Variants in PRKN observed in about 807,000 individuals in gnomAD.
The protein encoded by PRKN is parkin RBR E3 ubiquitin protein ligase.
Under a neutral mutation model 59.5 loss-of-function variants are expected in PRKN, and 56 were observed. That is an observed-to-expected ratio of 0.94 (90% CI 0.76 to 1.18). The LOEUF (loss-of-function observed/expected upper bound fraction) is 1.18. Among genes scored for constraint, PRKN ranks in the 50% most tolerant of loss-of-function variants. PRKN has a pLI of 0.00. For synonymous variants in PRKN, 250 were observed against 222.1 expected, an observed-to-expected ratio of 1.13 and a Z score of -1.12; for missense variants, 657 against 596.4, an observed-to-expected ratio of 1.10 and a Z score of -1.06.
chr6:162,214,378 C>T (rs2128076387), intron 3 of PRKN, among the ~76,000 whole-genome samples: 1 of 152,272 alleles, frequency 6.6e-6, no homozygotes, highest in Non-Finnish European at 1.5e-5. Flanking sequence ...CTCCTTTCTT[C>T]AGGGTTGGAT....
At chr6:162,157,828 G>C (rs1782580559) in intron 4 of PRKN, among the ~76,000 whole-genome samples, 2 of 151,808 alleles carry the variant, frequency 1.3e-5, no homozygotes, top group Non-Finnish European at 2.9e-5. Context: ...CTCTTGTTAG[G>C]CATGCATACT....
At chr6:162,114,049 G>T (rs1245893668) in intron 4 of PRKN, among the ~76,000 whole-genome samples, 2 of 149,344 alleles carry the variant, frequency 1.3e-5, no homozygotes, top group African/African-American at 2.5e-5. Context: ...ATTTCTGAGG[G>T]CTCTGTTCTG....
At chr6:162,538,979 C>G (rs1336932591) in intron 1 of PRKN, among the ~76,000 whole-genome samples, 1 of 152,218 alleles carries the variant, frequency 6.6e-6, no homozygotes, top group East Asian at 1.9e-4. Context: ...CAAGTGATTA[C>G]CGTGGGGGCC....
At chr6:162,182,489 T>C (rs563081470) in intron 4 of PRKN, among the ~76,000 whole-genome samples, 1 of 152,226 alleles carries the variant, frequency 6.6e-6, no homozygotes, top group East Asian at 1.9e-4. Flanking sequence ...TCTACTGACA[T>C]GGGACAGTGA....
intron 1 of PRKN, among the ~76,000 whole-genome samples, chr6:162,618,623 G>C (rs1402800831): frequency 6.6e-6 from 1 of 151,974 alleles, no homozygotes; most frequent in African/African-American, 2.4e-5. Context: ...TAATCCCCTA[G>C]GTTTATAATA....
intron 6 of PRKN, among the ~76,000 whole-genome samples, chr6:161,946,549 AAAATG>A (rs1258808850): frequency 6.6e-6 from 1 of 152,098 alleles, no homozygotes; most frequent in Non-Finnish European, 1.5e-5. Flanking sequence ...AAACATTCAG[AAAATG>A]ACTTATTCTG....
At chr6:162,658,469 C>T (rs138769853) in intron 1 of PRKN, among the ~76,000 whole-genome samples, 717 of 152,128 alleles carry the variant, frequency 4.7e-3, no homozygotes, top group Non-Finnish European at 7.9e-3. Flanking sequence ...CAAGATCAGC[C>T]TAGCCAACAT....
chr6:161,600,244 G>T (rs1430444029), intron 7 of PRKN, among the ~76,000 whole-genome samples: 1 of 151,874 alleles, frequency 6.6e-6, no homozygotes, highest in African/African-American at 2.4e-5. Context: ...TGATCAGCTA[G>T]AGTTATATTC....
rs553530731 is a variant in PRKN at position 161,413,533 on chromosome 6, G to A, written c.1084-26656C>T. ...CTGGGGGAGAAGGCCGGAACCTGGC[G>A]GGCTCATGTGGGCACGCTGGCCATG... On this transcript the variant is annotated intron_variant, in intron 9 of 11. Transcript: ENST00000366898. This position sits in a 1 kb window ranked among gnomAD's most constrained non-coding sequence, Gnocchi z 4.4. Among the ~76,000 whole-genome samples the A allele has an allele frequency of 2.8e-4, 42 of 152,286 alleles. No individual in the cohort carries two copies. In the South Asian group the frequency reaches 2.9e-3, roughly 11 times the overall value.
At chr6:162,050,133 C>G (rs560673097) in intron 5 of PRKN, among the ~76,000 whole-genome samples, 1 of 152,180 alleles carries the variant, frequency 6.6e-6, no homozygotes, top group African/African-American at 2.4e-5. Context: ...CTCAAAACCT[C>G]GCATGTCTCC....
At chr6:162,401,213 TAAGA>T (rs1463098058) in intron 2 of PRKN, among the ~76,000 whole-genome samples, 1 of 150,084 alleles carries the variant, frequency 6.7e-6, no homozygotes, top group African/African-American at 2.5e-5. Flanking sequence ...AAAAGAATAT[TAAGA>T]AAAAAATAGA....
At chr6:162,425,449 T>C (rs999505931) in intron 2 of PRKN, among the ~76,000 whole-genome samples, 1 of 152,154 alleles carries the variant, frequency 6.6e-6, no homozygotes, top group Non-Finnish European at 1.5e-5. Flanking sequence ...TTTGTACAGA[T>C]ATCATTAAAT....
rs138531187 is a variant in PRKN, at chr6:161,571,914, C to T, written c.872-2498G>A. ...CTTTCTCTTCTAGAGCCTTAAAGAT[C>T]AGATTTCCTGGTTCTCAGGCCTTCT... On this transcript the variant is annotated intron_variant, in intron 7 of 11. Transcript: ENST00000366898. 3.3e-5 allele frequency among the ~76,000 whole-genome samples: 5 copies of T among 152,278 alleles called. No homozygotes were observed. In the East Asian group the frequency reaches 9.7e-4, roughly 29 times the overall value.
chr6:162,590,943 T>C (rs1220207885), intron 1 of PRKN, among the ~76,000 whole-genome samples: 1 of 152,006 alleles, frequency 6.6e-6, no homozygotes, highest in Non-Finnish European at 1.5e-5. Flanking sequence ...CCTCTCAGCT[T>C]GGGAGCTACT....
intron 7 of PRKN, among the ~76,000 whole-genome samples, chr6:161,742,701 C>G (rs921578420): frequency 6.6e-6 from 1 of 152,172 alleles, no homozygotes; most frequent in African/African-American, 2.4e-5. Flanking sequence ...ATAAAGAAAG[C>G]TAGTTTTTAT....
At chr6:162,613,220 C>T (rs186878586) in intron 1 of PRKN, among the ~76,000 whole-genome samples, 68 of 152,300 alleles carry the variant, frequency 4.5e-4, no homozygotes, top group South Asian at 2.3e-3. Context: ...ATAAGATATT[C>T]CTTGCACTTA....
intron 2 of PRKN, among the ~76,000 whole-genome samples, chr6:162,300,011 GCTGT>G (rs1447595324): frequency 1.3e-5 from 2 of 151,886 alleles, no homozygotes; most frequent in East Asian, 1.9e-4. Context: ...TCCATTCTCT[GCTGT>G]CTTTTTTTAA....
In PRKN at chr6:162,336,205, G is replaced by C. The variant is rs556644847; in HGVS notation, c.172-73440C>G. 2.0e-5 allele frequency among the ~76,000 whole-genome samples: 3 copies of C among 152,182 alleles called. No homozygotes were observed. In the South Asian group the frequency reaches 6.2e-4, roughly 32 times the overall value. On this transcript the variant is annotated intron_variant, in intron 2 of 11. Coordinates refer to ENST00000366898, the MANE Select transcript of PRKN (RefSeq NM_004562.3). ...TCAGGTGTTTTCATAAAACTCAACA[G>C]AATATGTATACAAGTATAAAATGTA...
chr6:162,049,623 C>T (rs1389085053), intron 5 of PRKN, among the ~76,000 whole-genome samples: 2 of 152,152 alleles, frequency 1.3e-5, no homozygotes, highest in Non-Finnish European at 2.9e-5. Flanking sequence ...TGTTCAAATA[C>T]AAATTTAGCT....
Sources: allele counts gnomAD v4.1 joint callset (sites outside exome capture counted in the v4.1 genomes callset), GRCh38; gene constraint gnomAD v4.1.1; non-coding constraint Gnocchi (gnomAD v3.1); transcripts MANE v1.5; gene names NCBI Gene and HGNC (gene_info 2026-07-23, HGNC 2026-07-21).